The following SIN3B variants were observed in gnomAD, a reference collection of about 807,000 sequenced individuals.
SIN3B encodes the protein paired amphipathic helix protein Sin3b.
SIN3B carries 19 observed loss-of-function variants against 120.2 expected under a neutral mutation model. That is an observed-to-expected ratio of 0.16 (90% CI 0.11 to 0.23). The LOEUF is 0.23. Ranked by LOEUF, SIN3B falls within the 10% of genes least tolerant of loss-of-function variation. The probability of loss-of-function intolerance (pLI) is 1.00; values close to 1 mark genes in which losing one functional copy is unlikely to be tolerated. For missense variants in SIN3B, 1,073 were observed against 1,573.0 expected, an observed-to-expected ratio of 0.68 and a Z score of 5.38; for synonymous variants, 654 against 653.2, an observed-to-expected ratio of 1.00 and a Z score of -0.02.
intron 3 of SIN3B, among the ~76,000 whole-genome samples, chr19:16,836,457 C>A (rs1971350049): frequency 6.6e-6 from 1 of 152,124 alleles, no homozygotes. Context: ...CCACAGAGAG[C>A]CCCCTAGTCC....
chr19:16,863,620 A>G (rs1288987253), intron 9 of SIN3B, 60 bp from the exon 10 acceptor site: 1 of 1,048,546 alleles, frequency 9.5e-7, no homozygotes, highest in African/African-American at 1.6e-5. Context: ...ACACTGGCTA[A>G]CAGTAAATCT....
At chr19:16,854,641 T>G (rs1029616914) in intron 8 of SIN3B, 2 of 179,786 alleles carry the variant, frequency 1.1e-5, no homozygotes, top group African/African-American at 4.8e-5. Context: ...CCCAAAGATG[T>G]GCATGTTAGG....
chr19:16,860,455 T>A (rs767946053), intron 8 of SIN3B, among the ~76,000 whole-genome samples: 3 of 152,076 alleles, frequency 2.0e-5, no homozygotes, highest in African/African-American at 4.8e-5. Flanking sequence ...TGGGTTTTCC[T>A]TGTGAGCAGG....
intron 6 of SIN3B, 94 bp downstream of exon 6, chr19:16,851,628 G>T: frequency 6.9e-7 from 1 of 1,458,584 alleles, no homozygotes; most frequent in East Asian, 2.6e-5. Context: ...GGCCCCAGCA[G>T]GGGTTCGGGG....
chr19:16,860,022 A>C (rs1363701096), intron 8 of SIN3B, among the ~76,000 whole-genome samples: 1 of 152,230 alleles, frequency 6.6e-6, no homozygotes, highest in East Asian at 1.9e-4. Flanking sequence ...AGAATCTGAA[A>C]GGCAAGGTGC....
intron 13 of SIN3B, among the ~76,000 whole-genome samples, chr19:16,870,614 A>G (rs1043414072): frequency 6.6e-6 from 1 of 151,944 alleles, no homozygotes; most frequent in Admixed American, 6.6e-5. Context: ...GCACAGTGGC[A>G]TGATCTCGGC....
chr19:16,863,668 C>CTCTTGGTGCA lies in SIN3B; in HGVS notation c.1267-11_1267-2dup. The CTCTTGGTGCA allele has an allele frequency of 1.3e-6, 2 of 1,574,222 alleles. No homozygotes were observed. Among genetic ancestry groups the CTCTTGGTGCA allele is most frequent in the Non-Finnish European group, 1.7e-6 (2 of 1,143,614 alleles). On this transcript the variant is annotated splice_polypyrimidine_tract_variant and intron_variant, in intron 9 of 18. Transcript: ENST00000248054. ...CATGCAGCGTCATTCACGGCATTTC[C>CTCTTGGTGCA]TCTTGGTGCAGGTACTGAACGACAC...
At position 16,862,856 on chromosome 19, in the gene SIN3B, T is replaced by A; in HGVS notation, c.1266+297T>A. 1 of 1,559,052 alleles carries A rather than the reference T, an allele frequency of 6.4e-7. No homozygotes were observed. Among genetic ancestry groups the A allele is most frequent in the Non-Finnish European group, 8.9e-7 (1 of 1,129,762 alleles). ...GCCATGATTCTGCTCTGTCCCGGGC[T>A]CACTGACCTCAGTGTGTTTCTGTTT... On this transcript the variant is annotated intron_variant, in intron 9 of 18. Coordinates refer to ENST00000248054, the MANE Select transcript of SIN3B (RefSeq NM_001297595.2). The surrounding 1 kb of genome is among the most constrained non-coding windows in gnomAD (Gnocchi z 4.7).
chr19:16,859,596 T>C (rs1971660024), intron 8 of SIN3B, among the ~76,000 whole-genome samples: 1 of 152,150 alleles, frequency 6.6e-6, no homozygotes. Context: ...GGGTTTTCTT[T>C]CTTGGGCTGC....
chr19:16,863,327 G>GAC lies in SIN3B; in HGVS notation c.1267-353_1267-352insAC. The GAC allele has an allele frequency of 1.2e-5, 4 of 338,982 alleles. No individual in the cohort carries two copies. In the South Asian group the frequency reaches 1.7e-4, roughly 14 times the overall value. 21.0% of individuals were successfully genotyped at this position (338,982 alleles called of 1,614,324 possible). A position where few individuals can be genotyped will look rare whatever the true frequency, so the allele number is the denominator to read the frequency against. ...GTAATCCACATTTTAAGAATGCAGT[G>GAC]TAACAATGATCTACACAGCATTTAC... On this transcript the variant is annotated intron_variant, in intron 9 of 18. Transcript: ENST00000248054.
Position 16,878,312 on chromosome 19 carries a change from C to T in SIN3B, c.3084C>T (p.Leu1028=), listed in dbSNP as rs2051639241. ...GCGACGTGGACTGCCGCTTCAAGCT[C>T]AGCACTCACAAGATGGTGTTCATCG... ...SACDVDCRFK[L]STHKMVFIVN... The change falls in exon 18 of 19, where the codon CTC becomes CTT. Residue 1028 remains leucine, a synonymous_variant. Transcript: ENST00000248054. The T allele has an allele frequency of 6.2e-7, 1 of 1,611,854 alleles. No individual in the cohort carries two copies. The highest frequency in any genetic ancestry group is 1.1e-5 in the South Asian group (1 of 90,752).
At chr19:16,864,876 C>T (rs995119412) in intron 10 of SIN3B, among the ~76,000 whole-genome samples, 1 of 151,386 alleles carries the variant, frequency 6.6e-6, no homozygotes, top group Non-Finnish European at 1.5e-5. Context: ...ACTCTGTCGC[C>T]CAGGCTGGAG....
intron 3 of SIN3B, among the ~76,000 whole-genome samples, chr19:16,839,666 G>A (rs116238681): frequency 7.4e-4 from 113 of 152,224 alleles, no homozygotes; most frequent in African/African-American, 2.6e-3. Flanking sequence ...AGAAACAGAC[G>A]CAGCCCCCTG....
Position 16,877,598 on chromosome 19 carries a change from G to A in SIN3B, c.2913G>A (p.Ser971=), listed in dbSNP as rs548126829. 1.1e-5 allele frequency: 17 copies of A among 1,612,226 alleles called. No homozygotes were observed. Among genetic ancestry groups the A allele is most frequent in the South Asian group, 2.2e-5 (2 of 90,436 alleles). The change falls in exon 17 of 19, where the codon TCG becomes TCA. Residue 971 remains serine (S), a synonymous_variant. Transcript: ENST00000248054. The part of the protein sequence containing the change: ...QYVGTEGASS[S]PTEGFLLKPV... ...TGGGGACCGAGGGCGCGTCCAGCTC[G>A]CCCACTGAGGGCTTCCTCCTGAAAC...
In SIN3B at chr19:16,876,016, G is replaced by T; in HGVS notation, c.2593-39G>T. 7.2e-6 allele frequency: 11 copies of T among 1,524,954 alleles called. No homozygotes were observed. The highest frequency in any genetic ancestry group is 7.9e-6 in the Non-Finnish European group (9 of 1,133,598). 94.5% of individuals were successfully genotyped at this position (1,524,954 alleles called of 1,614,324 possible). A position where few individuals can be genotyped will look rare whatever the true frequency, so the allele number is the denominator to read the frequency against. Reference sequence around the variant, plus strand: ...GTGGGTGAGGTGGGGACTCCCGCAGGAGGCGGGGTGGCCGCACCACCTGCT... The same window carrying T: ...GTGGGTGAGGTGGGGACTCCCGCAGTAGGCGGGGTGGCCGCACCACCTGCT... On this transcript the variant is annotated intron_variant, in intron 14 of 18. Coordinates refer to ENST00000248054, the MANE Select transcript of SIN3B (RefSeq NM_001297595.2). The surrounding 1 kb of genome is among the most constrained non-coding windows in gnomAD (Gnocchi z 7.1).
At chr19:16,844,663 A>G (rs1475817508) in intron 4 of SIN3B, among the ~76,000 whole-genome samples, 2 of 152,254 alleles carry the variant, frequency 1.3e-5, no homozygotes, top group African/African-American at 4.8e-5. Context: ...AGGGTATGAC[A>G]TTCAAAAACT....
chr19:16,869,547 G>A lies in SIN3B; in HGVS notation c.1894G>A (p.Asp632Asn). ...GTACGAGGACCGGCAGATCCTGGAG[G>A]ACGCAGCAGCGCTCATCAGCTACTA... ...FVYEDRQILE[D>N]AAALISYYVK... Residue 632 changes from aspartate to asparagine, a missense_variant, in exon 13 of 19, where the codon GAC becomes AAC. This residue lies in a region of SIN3B where 169 missense variants were observed against 207.3 expected (regional missense o/e 0.82). Coordinates refer to ENST00000248054, the MANE Select transcript of SIN3B (RefSeq NM_001297595.2). The A allele has an allele frequency of 6.2e-7, 1 of 1,613,878 alleles. No homozygotes were observed. Among genetic ancestry groups the A allele is most frequent in the Non-Finnish European group, 8.5e-7 (1 of 1,180,026 alleles).
intron 12 of SIN3B, among the ~76,000 whole-genome samples, chr19:16,866,842 A>AG (rs1971781867): frequency 6.6e-6 from 1 of 152,158 alleles, no homozygotes; most frequent in Non-Finnish European, 1.5e-5. Context: ...CTGTAACCTC[A>AG]GCCTCCTGGG....
chr19:16,862,632 C>G lies in SIN3B; in HGVS notation c.1266+73C>G. ...ACCCCTCCCCAGCAAACACCCGATA[C>G]CCCCGTTATGAATGAAATGCTGTGT... On this transcript the variant is annotated intron_variant, in intron 9 of 18. Transcript: ENST00000248054. This position sits in a 1 kb window ranked among gnomAD's most constrained non-coding sequence, Gnocchi z 4.7. 7.4e-7 allele frequency: 1 copy of G among 1,356,516 alleles called. No homozygotes were observed. The highest frequency in any genetic ancestry group is 1.0e-6 in the Non-Finnish European group (1 of 964,616). 84.0% of individuals were successfully genotyped at this position (1,356,516 alleles called of 1,614,324 possible). A position where few individuals can be genotyped will look rare whatever the true frequency, so the allele number is the denominator to read the frequency against.
Sources: gnomAD v4.1 joint callset for allele counts (sites outside exome capture counted in the v4.1 genomes callset) on GRCh38, gnomAD v4.1.1 for gene constraint, gnomAD v4.1.1 regional missense constraint, Gnocchi (gnomAD v3.1) non-coding constraint, MANE v1.5 for transcripts, NCBI Gene and HGNC (gene_info 2026-07-23, HGNC 2026-07-21) for gene names.